COL21A1: variants seen among roughly 807,000 people sequenced by gnomAD.
COL21A1 encodes the protein collagen type XXI alpha 1 chain.
A neutral mutation model predicts 137.9 loss-of-function variants in COL21A1; 149 were observed. The observed-to-expected ratio is 1.08, with a 90% CI of 0.95 to 1.24. The LOEUF is 1.24. COL21A1 is among the 50% of genes most tolerant of loss of function. The probability of loss-of-function intolerance (pLI) is 0.00; values close to 1 mark genes in which losing one functional copy is unlikely to be tolerated. For synonymous variants in COL21A1, 456 were observed against 391.5 expected, an observed-to-expected ratio of 1.16 and a Z score of -1.95; for missense variants, 1,167 against 1,158.4, an observed-to-expected ratio of 1.01 and a Z score of -0.11.
At chr6:56,088,217 A>G (rs774961817) in intron 17 of COL21A1, among the ~76,000 whole-genome samples, 29 of 152,148 alleles carry the variant, frequency 1.9e-4, no homozygotes, top group Non-Finnish European at 4.0e-4. Flanking sequence ...TACAAAAATT[A>G]GCTGGGCATG....
At chr6:56,352,564 T>C (rs1037167079) in intron 1 of COL21A1, among the ~76,000 whole-genome samples, 1 of 151,966 alleles carries the variant, frequency 6.6e-6, no homozygotes, top group Admixed American at 6.6e-5. Flanking sequence ...AAAATGCAGT[T>C]GAAGAAGGGG....
intron 7 of COL21A1, 138 bp from the exon 8 acceptor site, chr6:56,164,960 T>C (rs1776460389): frequency 1.6e-6 from 1 of 622,386 alleles, no homozygotes; most frequent in African/African-American, 1.9e-5. Context: ...AATATTTCCC[T>C]GCATTTATCC....
chr6:56,259,126 G>A (rs1224678951), intron 1 of COL21A1, among the ~76,000 whole-genome samples: 2 of 152,146 alleles, frequency 1.3e-5, no homozygotes. Flanking sequence ...CCCTGACTTG[G>A]CCAGTAGAAG....
intron 1 of COL21A1, among the ~76,000 whole-genome samples, chr6:56,319,248 A>G (rs9475667): frequency 0.27 from 41,035 of 152,034 alleles, 6,151 homozygotes; most frequent in Non-Finnish European, 0.35. Context: ...TTGCATGCAG[A>G]AGTTTTCACA....
chr6:56,185,617 A>C (rs1020424842), intron 1 of COL21A1, among the ~76,000 whole-genome samples: 3 of 151,352 alleles, frequency 2.0e-5, no homozygotes, highest in African/African-American at 7.3e-5. Flanking sequence ...TTGTATTTTT[A>C]GTAGAGACGG....
intron 1 of COL21A1, among the ~76,000 whole-genome samples, chr6:56,320,053 G>C (rs1764829105): frequency 6.6e-6 from 1 of 151,894 alleles, no homozygotes; most frequent in Non-Finnish European, 1.5e-5. Context: ...ACCTCTACTT[G>C]GATACTTAAT....
chr6:56,124,169 T>C, intron 15 of COL21A1, 54 bp from the exon 16 acceptor site: 1 of 1,535,856 alleles, frequency 6.5e-7, no homozygotes. Context: ...TTTTTCTCTT[T>C]AAAGACAGAT....
intron 10 of COL21A1, among the ~76,000 whole-genome samples, chr6:56,142,362 C>A (rs532253538): frequency 6.6e-6 from 1 of 152,080 alleles, no homozygotes; most frequent in African/African-American, 2.4e-5. Context: ...TTGTAAACCA[C>A]CTAATTAATG....
intron 10 of COL21A1, among the ~76,000 whole-genome samples, chr6:56,149,314 T>C (rs1180895504): frequency 6.6e-6 from 1 of 152,078 alleles, no homozygotes; most frequent in Non-Finnish European, 1.5e-5. Flanking sequence ...AAAGAAAACA[T>C]TACATTCTGG....
chr6:56,320,459 T>C (rs758869682), intron 1 of COL21A1, among the ~76,000 whole-genome samples: 2 of 151,898 alleles, frequency 1.3e-5, no homozygotes, highest in Non-Finnish European at 2.9e-5. Context: ...TACCTTCCTA[T>C]CTTATCCAGG....
At chr6:56,074,323 G>A (rs369221123) in intron 19 of COL21A1, 38 bp from the exon 20 acceptor site, 1 of 1,377,416 alleles carries the variant, frequency 7.3e-7, no homozygotes, top group Non-Finnish European at 1.0e-6. Context: ...GTAACTTAGA[G>A]AAGATTATTA....
chr6:56,147,359 T>C (rs1482704985), intron 10 of COL21A1, among the ~76,000 whole-genome samples: 1 of 150,318 alleles, frequency 6.7e-6, no homozygotes, highest in Non-Finnish European at 1.5e-5. Flanking sequence ...GGGGGGTTGT[T>C]TTTTGCTTTT....
At chr6:56,347,181 G>A (rs961321988) in intron 1 of COL21A1, among the ~76,000 whole-genome samples, 11 of 152,042 alleles carry the variant, frequency 7.2e-5, no homozygotes, top group Non-Finnish European at 1.0e-4. Flanking sequence ...AGACATTCCC[G>A]GCAGCCCTAT....
chr6:56,377,984 C>T (rs1301721485), intron 1 of COL21A1, among the ~76,000 whole-genome samples: 1 of 152,084 alleles, frequency 6.6e-6, no homozygotes, highest in Admixed American at 6.5e-5. Flanking sequence ...AGGGAACCTG[C>T]TTCCCTAAAG....
intron 1 of COL21A1, among the ~76,000 whole-genome samples, chr6:56,213,233 C>T (rs975687767): frequency 2.6e-5 from 4 of 151,926 alleles, no homozygotes; most frequent in African/African-American, 9.7e-5. Context: ...CATTTTATTT[C>T]AATAGATAAA....
chr6:56,302,727 A>G (rs1764332402), intron 1 of COL21A1, among the ~76,000 whole-genome samples: 1 of 151,050 alleles, frequency 6.6e-6, no homozygotes, highest in Non-Finnish European at 1.5e-5. Context: ...GAAGCTCTTT[A>G]GTTTAATTAG....
At chr6:56,310,400 A>G (rs1471097471) in intron 1 of COL21A1, among the ~76,000 whole-genome samples, 2 of 152,162 alleles carry the variant, frequency 1.3e-5, no homozygotes, top group Non-Finnish European at 2.9e-5. Flanking sequence ...GTTGAGTTGG[A>G]ATCTCTAGGA....
In COL21A1 at chr6:56,077,401, G is replaced by A. The variant is rs570515723; in HGVS notation, c.1857+128C>T. The A allele has an allele frequency of 1.1e-3, 701 of 647,182 alleles. 8 individuals are homozygous for A. In the South Asian group the frequency reaches 0.012, roughly 12 times the overall value. The allele number at this position is 647,182 out of a possible 1,614,324, so 40.1% of individuals were successfully genotyped here. A position where few individuals can be genotyped will look rare whatever the true frequency, so the allele number is the denominator to read the frequency against. ...TACAAATTTGTAAAGCCAAAACAAC[G>A]TCTTCTAAAATTATATAATATTTGA... On this transcript the variant is annotated intron_variant, in intron 18 of 29. Coordinates refer to ENST00000244728, the MANE Select transcript of COL21A1 (RefSeq NM_030820.4).
At position 56,299,299 on chromosome 6, in the gene COL21A1, AT is replaced by A. The variant is rs1488392165; in HGVS notation, c.-39+94671del. Among the ~76,000 whole-genome samples, 3 of 152,246 alleles carry A rather than the reference AT, an allele frequency of 2.0e-5. No individual in the cohort carries two copies. The East Asian group carries it at 5.8e-4, about 29-fold the overall frequency. On this transcript the variant is annotated intron_variant, in intron 1 of 28. Transcript: ENST00000370819. Reference sequence around the variant, plus strand: ...ATAACAGAGAGTTTCAGCTTAATGTATTTTCAAATGCCAAATTGGATTTGAA... The same window carrying A: ...ATAACAGAGAGTTTCAGCTTAATGTATTTCAAATGCCAAATTGGATTTGAA...
Sources: gnomAD v4.1 joint callset for allele counts (sites outside exome capture counted in the v4.1 genomes callset) on GRCh38, gnomAD v4.1.1 for gene constraint, MANE v1.5 for transcripts, NCBI Gene and HGNC (gene_info 2026-07-23, HGNC 2026-07-21) for gene names.